The following C12orf50 variants were observed in gnomAD, a reference collection of about 807,000 sequenced individuals.
The protein encoded by C12orf50 is uncharacterized protein C12orf50.
Under a neutral mutation model 61.6 loss-of-function variants are expected in C12orf50, and 35 were observed. The ratio of observed to expected loss-of-function variants is 0.57; its 90% CI spans 0.43 to 0.75. The LOEUF (loss-of-function observed/expected upper bound fraction) is 0.75. Among genes scored for constraint, C12orf50 ranks in the 30% least tolerant of loss-of-function variants. The pLI is 0.00. For missense variants in C12orf50, 475 were observed against 488.5 expected (o/e 0.97, Z 0.26); for synonymous variants, 178 against 161.5 (o/e 1.10, Z -0.77).
chr12:88,002,659 C>T (rs948310148), intron 3 of C12orf50, among the ~76,000 whole-genome samples: 3 of 151,576 alleles, frequency 2.0e-5, no homozygotes, highest in Non-Finnish European at 3.0e-5. Context: ...TTCACAATCT[C>T]TGCCTTTTGA....
At chr12:88,010,907 GTAT>G (rs2032084916) in intron 3 of C12orf50, among the ~76,000 whole-genome samples, 2 of 152,054 alleles carry the variant, frequency 1.3e-5, no homozygotes, top group African/African-American at 4.8e-5. Context: ...AATTTGACAT[GTAT>G]TATTATATCT....
At chr12:88,014,948 C>T (rs2032256038) in intron 3 of C12orf50, among the ~76,000 whole-genome samples, 1 of 152,188 alleles carries the variant, frequency 6.6e-6, no homozygotes, top group African/African-American at 2.4e-5. Flanking sequence ...TTAAACATGA[C>T]TAACAAATGT....
At chr12:87,998,717 C>T (rs1026808980) in intron 3 of C12orf50, among the ~76,000 whole-genome samples, 4 of 151,938 alleles carry the variant, frequency 2.6e-5, no homozygotes, top group Non-Finnish European at 5.9e-5. Flanking sequence ...CTAAAGTAAT[C>T]AAGACTATCT....
Position 87,989,253 on chromosome 12 carries a change from A to G in C12orf50, c.700+11T>C. On this transcript the variant is annotated intron_variant, in intron 8 of 12. Coordinates refer to ENST00000298699, the MANE Select transcript of C12orf50 (RefSeq NM_152589.3). ...ATTACAAATGAATCAAAATTATATA[A>G]TATTCATTACCTTTAGTATTTGAAC... 6.4e-7 allele frequency: 1 copy of G among 1,550,934 alleles called. No homozygotes were observed. The highest frequency in any genetic ancestry group is 8.8e-7 in the Non-Finnish European group (1 of 1,130,816).
rs150614445 is a variant in C12orf50 at position 87,991,057 on chromosome 12, T to C, written c.593-1686A>G. 3.9e-4 allele frequency among the ~76,000 whole-genome samples: 60 copies of C among 152,214 alleles called. No homozygotes were observed. The East Asian group carries it at 0.011, about 28-fold the overall frequency. On this transcript the variant is annotated intron_variant, in intron 7 of 12. Transcript: ENST00000298699. Reference sequence around the variant, plus strand: ...AGTTGATAACCCAGTAAAGCAATGCTTTAGGGGTAAGGGTCTTGTCCGAGG... The same window carrying C: ...AGTTGATAACCCAGTAAAGCAATGCCTTAGGGGTAAGGGTCTTGTCCGAGG...
chr12:87,989,831 T>C (rs1223723210), intron 7 of C12orf50, among the ~76,000 whole-genome samples: 1 of 152,174 alleles, frequency 6.6e-6, no homozygotes, highest in Non-Finnish European at 1.5e-5. Flanking sequence ...TTTCTTAACA[T>C]ATTTGTTTCA....
Position 87,983,209 on chromosome 12 carries a change from A to G in C12orf50, c.1127-14T>C. The G allele has an allele frequency of 6.6e-7, 1 of 1,519,948 alleles. No individual in the cohort carries two copies. The highest frequency in any genetic ancestry group is 9.0e-7 in the Non-Finnish European group (1 of 1,107,434). The allele number at this position is 1,519,948 out of a possible 1,614,324, so 94.2% of individuals were successfully genotyped here. On this transcript the variant is annotated splice_polypyrimidine_tract_variant and intron_variant, in intron 11 of 12. Transcript: ENST00000298699. ...ACGTATATTTGTCTGAGGGAAAAAA[A>G]TCCAGAATTAAATATTTTATAACTT...
chr12:88,004,533 C>T (rs980837491), intron 3 of C12orf50, among the ~76,000 whole-genome samples: 6 of 152,282 alleles, frequency 3.9e-5, no homozygotes, highest in Admixed American at 1.3e-4. Context: ...TTTGACCCAG[C>T]AATCCCATTA....
chr12:87,982,032 A>T (rs2030504270), intron 12 of C12orf50, among the ~76,000 whole-genome samples: 1 of 152,094 alleles, frequency 6.6e-6, no homozygotes, highest in Non-Finnish European at 1.5e-5. Context: ...ACTATCTGGT[A>T]TGGGAGGTGA....
At chr12:88,029,253 A>T (rs1231682069) in intron 1 of C12orf50, 87 bp downstream of exon 1, 2 of 410,758 alleles carry the variant, frequency 4.9e-6, no homozygotes, top group African/African-American at 4.2e-5. Context: ...CTTTCAGGCT[A>T]TCAGTAGTAT....
intron 3 of C12orf50, among the ~76,000 whole-genome samples, chr12:88,005,979 C>A (rs1156561128): frequency 1.4e-5 from 2 of 143,776 alleles, no homozygotes; most frequent in East Asian, 2.1e-4. Flanking sequence ...TGCAGTGGCG[C>A]AATCTCGGCT....
chr12:88,012,942 T>C (rs866244743), intron 3 of C12orf50, among the ~76,000 whole-genome samples: 7 of 152,030 alleles, frequency 4.6e-5, no homozygotes, highest in African/African-American at 1.7e-4. Context: ...CATGAGCCTG[T>C]GGTCCCAGCT....
At chr12:88,026,859 T>A in intron 2 of C12orf50, 92 bp downstream of exon 2, 1 of 1,495,418 alleles carries the variant, frequency 6.7e-7, no homozygotes, top group Non-Finnish European at 9.0e-7. Flanking sequence ...GAAGGAAGAA[T>A]GATTTCTTCC....
intron 3 of C12orf50, among the ~76,000 whole-genome samples, chr12:88,008,508 T>C (rs543784519): frequency 6.6e-6 from 1 of 152,294 alleles, no homozygotes; most frequent in South Asian, 2.1e-4. Context: ...GTCTTTGCTA[T>C]TGTGAATAGT....
intron 3 of C12orf50, 99 bp downstream of exon 3, chr12:88,026,389 G>C: frequency 7.4e-7 from 1 of 1,359,230 alleles, no homozygotes; most frequent in South Asian, 1.5e-5. Flanking sequence ...AAATTGCATT[G>C]CTCACCTTGT....
Position 87,986,320 on chromosome 12 carries a change from A to G in C12orf50, c.914T>C (p.Met305Thr). The G allele has an allele frequency of 6.3e-7, 1 of 1,595,196 alleles. No homozygotes were observed. Residue 305 changes from methionine (M) to threonine (T), a missense_variant, in exon 10 of 13, where the codon ATG becomes ACG. Physicochemically the swap from Met to Thr is moderately conservative, Grantham distance 81 (BLOSUM62 -1). Transcript: ENST00000298699. The stretch of plus-strand genomic sequence containing the variant: ...ATATATAGACACCTTACCTCTCTGC[A>G]TTCCAGAGTTAGGAAAGTTCTGTGG... Reference protein sequence around the residue: ...DEPQNFPNSGMQRAVQAPRPQ... With the variant: ...DEPQNFPNSGTQRAVQAPRPQ...
chr12:88,002,065 T>C (rs907378427), intron 3 of C12orf50, among the ~76,000 whole-genome samples: 4 of 151,798 alleles, frequency 2.6e-5, no homozygotes, highest in Non-Finnish European at 4.4e-5. Context: ...CTTTTCTTTT[T>C]CCAGTGTCTT....
At chr12:87,997,366 A>G (rs1325526154) in intron 4 of C12orf50, among the ~76,000 whole-genome samples, 4 of 152,110 alleles carry the variant, frequency 2.6e-5, no homozygotes, top group Admixed American at 2.6e-4. Context: ...GCTTATTAGT[A>G]TCTCTATAAG....
At chr12:87,996,133 C>A (rs1448098384) in intron 6 of C12orf50, among the ~76,000 whole-genome samples, 1 of 152,068 alleles carries the variant, frequency 6.6e-6, no homozygotes, top group East Asian at 1.9e-4. Context: ...ACAGCATTAC[C>A]CCATGGAGTG....
Sources: gnomAD v4.1 joint callset for allele counts (sites outside exome capture counted in the v4.1 genomes callset) on GRCh38, gnomAD v4.1.1 for gene constraint, MANE v1.5 for transcripts, NCBI Gene and HGNC (gene_info 2026-07-23, HGNC 2026-07-21) for gene names.